SORCS2: variants seen among roughly 807,000 people sequenced by gnomAD.
The protein encoded by SORCS2 is VPS10 domain-containing receptor SorCS2.
Under a neutral mutation model 141.6 loss-of-function variants are expected in SORCS2, and 100 were observed. That is an observed-to-expected ratio of 0.71 (90% CI 0.60 to 0.83). The LOEUF (loss-of-function observed/expected upper bound fraction) is 0.83, where lower values mean the gene tolerates loss of function less well. SORCS2 is among the 40% of genes least tolerant of loss of function. The probability of loss-of-function intolerance (pLI) is 0.00; values close to 1 mark genes in which losing one functional copy is unlikely to be tolerated. For missense variants in SORCS2, 1,646 were observed against 1,560.2 expected (o/e 1.05, Z -0.93); for synonymous variants, 789 against 676.9 (o/e 1.17, Z -2.57).
chr4:7,702,676 T>C (rs535246323), intron 12 of SORCS2, among the ~76,000 whole-genome samples: 45 of 152,342 alleles, frequency 3.0e-4, no homozygotes, highest in African/African-American at 9.6e-4. Flanking sequence ...ACTGATTCAT[T>C]CCACACATAC....
At chr4:7,625,351 C>G (rs1161745718) in intron 3 of SORCS2, among the ~76,000 whole-genome samples, 2 of 152,090 alleles carry the variant, frequency 1.3e-5, no homozygotes, top group Non-Finnish European at 2.9e-5. Context: ...TTGAGTGGGT[C>G]ATCTCACCAC....
intron 8 of SORCS2, among the ~76,000 whole-genome samples, chr4:7,675,177 G>A (rs1304243860): frequency 1.3e-5 from 2 of 152,216 alleles, no homozygotes; most frequent in African/African-American, 2.4e-5. Context: ...ATTCTTTTGG[G>A]TTTTGGCTGC....
intron 1 of SORCS2, among the ~76,000 whole-genome samples, chr4:7,382,715 CG>C (rs945432346): frequency 4.0e-5 from 6 of 150,148 alleles, no homozygotes; most frequent in Non-Finnish European, 8.9e-5. Flanking sequence ...AATCAGCGTA[CG>C]GGGGCTGGAG....
intron 1 of SORCS2, among the ~76,000 whole-genome samples, chr4:7,208,363 C>A (rs1184478979): frequency 1.3e-5 from 2 of 152,194 alleles, no homozygotes; most frequent in African/African-American, 2.4e-5. Context: ...GCACTGTGTG[C>A]TGAAGACTTT....
At chr4:7,472,930 C>A (rs984388842) in intron 2 of SORCS2, among the ~76,000 whole-genome samples, 14 of 141,938 alleles carry the variant, frequency 9.9e-5, no homozygotes, top group East Asian at 2.3e-4. Context: ...AAAAAAAAAA[C>A]AAAATAGCCC....
chr4:7,581,136 C>A (rs1172320908), intron 3 of SORCS2, among the ~76,000 whole-genome samples: 4 of 146,266 alleles, frequency 2.7e-5, no homozygotes, highest in African/African-American at 1.0e-4. Flanking sequence ...CAAAAACCTG[C>A]ATATGTCCTT....
intron 1 of SORCS2, among the ~76,000 whole-genome samples, chr4:7,272,739 T>C (rs1286261992): frequency 6.6e-6 from 1 of 152,220 alleles, no homozygotes; most frequent in East Asian, 1.9e-4. Flanking sequence ...ATCCGCGGCA[T>C]TGCAGCCATC....
chr4:7,581,635 C>CTTGAA (rs1716153563), intron 3 of SORCS2, among the ~76,000 whole-genome samples: 1 of 152,136 alleles, frequency 6.6e-6, no homozygotes, highest in African/African-American at 2.4e-5. Context: ...AGGACAGGAG[C>CTTGAA]CCTCACGCAG....
chr4:7,262,221 TCCA>T (rs1375315841), intron 1 of SORCS2, among the ~76,000 whole-genome samples: 1 of 106,204 alleles, frequency 9.4e-6, no homozygotes, highest in Non-Finnish European at 1.8e-5. Flanking sequence ...CACCCACCCA[TCCA>T]CCAACACATC....
intron 2 of SORCS2, among the ~76,000 whole-genome samples, chr4:7,509,508 T>C (rs534440388): frequency 6.6e-6 from 1 of 152,056 alleles, no homozygotes; most frequent in Non-Finnish European, 1.5e-5. Flanking sequence ...GACATTTCCA[T>C]GTCCATACTC....
intron 1 of SORCS2, among the ~76,000 whole-genome samples, chr4:7,386,388 C>T (rs1723316511): frequency 8.3e-6 from 1 of 120,848 alleles, no homozygotes; most frequent in Non-Finnish European, 1.7e-5. Flanking sequence ...TGCACACACA[C>T]ATGGACATAC....
intron 2 of SORCS2, among the ~76,000 whole-genome samples, chr4:7,465,478 G>C (rs1391375072): frequency 6.6e-6 from 1 of 152,180 alleles, no homozygotes; most frequent in Non-Finnish European, 1.5e-5. Context: ...AGGCGCCAGG[G>C]TGGGCACAGG....
intron 3 of SORCS2, among the ~76,000 whole-genome samples, chr4:7,617,797 T>G (rs369921836): frequency 1.3e-5 from 2 of 152,254 alleles, no homozygotes; most frequent in South Asian, 4.2e-4. Flanking sequence ...CCTTGGTGAT[T>G]TTGGAGCTCA....
intron 1 of SORCS2, among the ~76,000 whole-genome samples, chr4:7,194,636 A>C (rs13146546): frequency 0.49 from 73,729 of 151,548 alleles, 18,271 homozygotes; most frequent in East Asian, 0.7. Flanking sequence ...GGCTGGGGTG[A>C]CTTGCAGAGG....
intron 11 of SORCS2, among the ~76,000 whole-genome samples, chr4:7,689,963 A>G (rs1278716194): frequency 6.6e-6 from 1 of 152,100 alleles, no homozygotes; most frequent in African/African-American, 2.4e-5. Context: ...CAATGGATGG[A>G]TGATGGATGG....
At chr4:7,377,315 C>A (rs1490328041) in intron 1 of SORCS2, among the ~76,000 whole-genome samples, 2 of 151,394 alleles carry the variant, frequency 1.3e-5, no homozygotes, top group Non-Finnish European at 2.9e-5. Context: ...CGAATGTTGA[C>A]AAGCAGATGT....
rs781308369 is a variant in SORCS2 at position 7,741,400 on chromosome 4, G to A, written c.*1136G>A. Reference sequence around the variant, plus strand: ...TGCTGTGCGGTCTCCACACCCTTACGGTTTCCTAGAATCAGGGATGTTAGT... The same window carrying A: ...TGCTGTGCGGTCTCCACACCCTTACAGTTTCCTAGAATCAGGGATGTTAGT... On this transcript the variant is annotated 3_prime_UTR_variant, in exon 27 of 27. Coordinates refer to ENST00000507866, the MANE Select transcript of SORCS2 (RefSeq NM_020777.3). 2.1e-4 allele frequency: 36 copies of A among 169,874 alleles called. No homozygotes were observed. Among genetic ancestry groups the A allele is most frequent in the African/African-American group, 6.8e-4 (27 of 39,898 alleles). 10.5% of individuals were successfully genotyped at this position (169,874 alleles called of 1,614,324 possible).
At chr4:7,524,038 C>CT (rs1196203456) in intron 2 of SORCS2, among the ~76,000 whole-genome samples, 6 of 152,322 alleles carry the variant, frequency 3.9e-5, no homozygotes, top group East Asian at 3.9e-4. Context: ...AGGTGAGGTG[C>CT]TAATTCAGAG....
intron 2 of SORCS2, among the ~76,000 whole-genome samples, chr4:7,420,934 G>A (rs776337911): frequency 2.6e-5 from 4 of 152,178 alleles, no homozygotes; most frequent in Admixed American, 6.5e-5. Context: ...TCTGCCTGCC[G>A]TTGCAGGGGA....
Sources: allele counts gnomAD v4.1 joint callset (sites outside exome capture counted in the v4.1 genomes callset), GRCh38; gene constraint gnomAD v4.1.1; transcripts MANE v1.5; gene names NCBI Gene and HGNC (gene_info 2026-07-23, HGNC 2026-07-21).